RBM47: variants seen among roughly 807,000 people sequenced by gnomAD.
RBM47 encodes RNA binding motif protein 47.
Under a neutral mutation model 47.1 loss-of-function variants are expected in RBM47, and 21 were observed. The observed-to-expected ratio is 0.45, with a 90% CI of 0.32 to 0.64. RBM47 has a LOEUF of 0.64. Among genes scored for constraint, RBM47 ranks in the 30% least tolerant of loss-of-function variants. The pLI is 0.05. For missense variants in RBM47, 708 were observed against 870.9 expected (o/e 0.81, Z 2.35); for synonymous variants, 375 against 361.7 (o/e 1.04, Z -0.42).
At chr4:40,579,123 TAA>T (rs745819109) in intron 1 of RBM47, among the ~76,000 whole-genome samples, 4 of 125,176 alleles carry the variant, frequency 3.2e-5, no homozygotes, top group Non-Finnish European at 3.4e-5. Flanking sequence ...TATCTTAAAT[TAA>T]AAAAAAAAAA....
At chr4:40,594,538 C>T (rs1306986035) in intron 1 of RBM47, among the ~76,000 whole-genome samples, 1 of 152,158 alleles carries the variant, frequency 6.6e-6, no homozygotes, top group East Asian at 1.9e-4. Flanking sequence ...CAAGGCCTCG[C>T]CTAACCGGAC....
Position 40,426,135 on chromosome 4 carries a change from T to G in RBM47, c.1551A>C (p.Pro517=). Residue 517 remains proline, a synonymous_variant, in exon 7 of 7, where the codon CCA becomes CCC. Coordinates refer to ENST00000295971, the MANE Select transcript of RBM47 (RefSeq NM_001098634.2). The part of the protein sequence containing the change: ...VSTPPPFQGR[P]ITPVYTVAPN... ...GAGCCACCGTGTATACTGGAGTTAT[T>G]GGGCGGCCCTGAGGAGAAGAGACAA... is the stretch of plus-strand genomic sequence containing the variant. 6.2e-7 allele frequency: 1 copy of G among 1,614,074 alleles called. No homozygotes were observed.
chr4:40,535,367 A>ATTTCTTTTTTTTTTTTTTT (rs1285838796), intron 2 of RBM47, among the ~76,000 whole-genome samples: 23 of 86,236 alleles, frequency 2.7e-4, no homozygotes, highest in South Asian at 7.3e-4. Flanking sequence ...CTGGTATGGT[A>ATTTCTTTTTTTTTTTTTTT]TTTCTTTTTT....
intron 2 of RBM47, among the ~76,000 whole-genome samples, chr4:40,527,586 C>T (rs932660602): frequency 4.0e-5 from 6 of 150,846 alleles, no homozygotes; most frequent in Non-Finnish European, 5.9e-5. Flanking sequence ...ACACTGCGCC[C>T]GGACTAACTT....
At chr4:40,550,513 G>C (rs1729460802) in intron 1 of RBM47, among the ~76,000 whole-genome samples, 1 of 152,048 alleles carries the variant, frequency 6.6e-6, no homozygotes, top group Admixed American at 6.6e-5. Flanking sequence ...CATCCTCCTG[G>C]GTTCAAGTGA....
Position 40,438,287 on chromosome 4 carries a change from T to C in RBM47, c.607A>G (p.Ser203Gly). 3.1e-6 allele frequency: 5 copies of C among 1,604,440 alleles called. No homozygotes were observed. The highest frequency in any genetic ancestry group is 4.2e-6 in the Non-Finnish European group (5 of 1,179,872). Residue 203 changes from serine (S) to glycine (G), a missense_variant, in exon 4 of 7, where the codon AGC (serine) becomes GGC (glycine). Physicochemically the swap from Ser to Gly is moderately conservative, Grantham distance 56. Coordinates refer to ENST00000295971, the MANE Select transcript of RBM47 (RefSeq NM_001098634.2). ...NRGFAFVEYE[S>G]HRAAAMARRK... ...CGAGCCATGGCAGCCGCGCGGTGGC[T>C]CTCGTACTCCACGAAGGCGAAGCCG...
chr4:40,461,519 A>G (rs1560385622), intron 3 of RBM47, among the ~76,000 whole-genome samples: 1 of 152,182 alleles, frequency 6.6e-6, no homozygotes, highest in African/African-American at 2.4e-5. Flanking sequence ...CAAAGAGAAA[A>G]TGAGGACCTA....
At chr4:40,428,978 AT>A (rs2154208695) in intron 6 of RBM47, among the ~76,000 whole-genome samples, 1 of 152,330 alleles carries the variant, frequency 6.6e-6, no homozygotes, top group Non-Finnish European at 1.5e-5. Context: ...GTCTGAAAAT[AT>A]TAAACTGAAA....
chr4:40,432,952 A>C, intron 5 of RBM47, 90 bp from the exon 6 acceptor site: 1 of 1,490,194 alleles, frequency 6.7e-7, no homozygotes, highest in Non-Finnish European at 8.9e-7. Context: ...TTTTATTTTT[A>C]TTTTTTTAAA....
At chr4:40,600,234 AATGTGT>A (rs1735123828) in intron 1 of RBM47, among the ~76,000 whole-genome samples, 1 of 148,806 alleles carries the variant, frequency 6.7e-6, no homozygotes, top group Admixed American at 6.7e-5. Flanking sequence ...GCTGGTCTGG[AATGTGT>A]GGTCTCAAAC....
At position 40,592,703 on chromosome 4, in the gene RBM47, C is replaced by A. The variant is rs189707039; in HGVS notation, c.-240+36693G>T. Reference sequence around the variant, plus strand: ...CCTCCCAAAGTGCTGGGATTACAGGCATGAGCCACCGCGCCTGGCCAACTT... The same window carrying A: ...CCTCCCAAAGTGCTGGGATTACAGGAATGAGCCACCGCGCCTGGCCAACTT... On this transcript the variant is annotated intron_variant, in intron 1 of 6. Coordinates refer to ENST00000295971, the MANE Select transcript of RBM47 (RefSeq NM_001098634.2). 4.6e-3 allele frequency among the ~76,000 whole-genome samples: 691 copies of A among 151,166 alleles called. 5 individuals are homozygous for A. The highest frequency in any genetic ancestry group is 0.018 in the South Asian group (84 of 4,790).
intron 1 of RBM47, among the ~76,000 whole-genome samples, chr4:40,610,333 C>G (rs542836508): frequency 2.6e-5 from 4 of 151,950 alleles, no homozygotes; most frequent in African/African-American, 9.7e-5. Flanking sequence ...TAGAACGGGA[C>G]CAAGCACGGC....
intron 3 of RBM47, among the ~76,000 whole-genome samples, chr4:40,439,883 C>T (rs1173708177): frequency 6.6e-6 from 1 of 152,116 alleles, no homozygotes; most frequent in African/African-American, 2.4e-5. Flanking sequence ...GCTGGGCAAT[C>T]GAATTTTCTA....
chr4:40,591,802 G>A (rs185154835), intron 1 of RBM47, among the ~76,000 whole-genome samples: 2 of 152,282 alleles, frequency 1.3e-5, no homozygotes, highest in South Asian at 2.1e-4. Context: ...CGTCAACACT[G>A]GAGTGGAGTT....
chr4:40,590,579 A>G (rs996542000), intron 1 of RBM47, among the ~76,000 whole-genome samples: 4 of 152,204 alleles, frequency 2.6e-5, no homozygotes, highest in African/African-American at 4.8e-5. Context: ...ATAAGAGATC[A>G]GCTTTTAGCT....
chr4:40,481,333 C>T (rs1219990397), intron 2 of RBM47, among the ~76,000 whole-genome samples: 4 of 148,000 alleles, frequency 2.7e-5, no homozygotes, highest in Non-Finnish European at 4.5e-5. Context: ...AGTGCAGCGG[C>T]GTGACCTTGG....
intron 2 of RBM47, among the ~76,000 whole-genome samples, chr4:40,496,322 G>T (rs1304259432): frequency 7.2e-6 from 1 of 138,708 alleles, no homozygotes; most frequent in Non-Finnish European, 1.5e-5. Context: ...CTTGGCTGGA[G>T]AACTTAAACA....
chr4:40,535,600 GCCC>G (rs1436060955), intron 2 of RBM47, among the ~76,000 whole-genome samples: 9 of 147,160 alleles, frequency 6.1e-5, no homozygotes, highest in Non-Finnish European at 1.2e-4. Flanking sequence ...TAGCCCTGTC[GCCC>G]AGGCTGGAGT....
At chr4:40,571,821 A>G (rs113094272) in intron 1 of RBM47, among the ~76,000 whole-genome samples, 5,077 of 151,488 alleles carry the variant, frequency 0.034, 204 homozygotes, top group African/African-American at 0.095. Context: ...GAGTTAGAGA[A>G]CAGCCTGGCC....
Sources: allele counts gnomAD v4.1 joint callset (sites outside exome capture counted in the v4.1 genomes callset), GRCh38; gene constraint gnomAD v4.1.1; transcripts MANE v1.5; gene names NCBI Gene and HGNC (gene_info 2026-07-23, HGNC 2026-07-21).